CCDC88A: variants seen among roughly 807,000 people sequenced by gnomAD.
CCDC88A encodes coiled-coil and HOOK domain protein 88A, also known as girdin.
In CCDC88A, 54 loss-of-function variants were observed where a neutral mutation model predicts 234.3. That is an observed-to-expected ratio of 0.23 (90% CI 0.19 to 0.29). The LOEUF (loss-of-function observed/expected upper bound fraction) is 0.29. CCDC88A is among the 10% of genes least tolerant of loss of function. The probability of loss-of-function intolerance (pLI) is 1.00; values close to 1 mark genes in which losing one functional copy is unlikely to be tolerated. For missense variants in CCDC88A, 1,832 were observed against 2,123.4 expected, an observed-to-expected ratio of 0.86 and a Z score of 2.70; for synonymous variants, 753 against 737.8, an observed-to-expected ratio of 1.02 and a Z score of -0.33.
chr2:55,295,271 G>A (rs764901810), intron 31 of CCDC88A: 2 of 1,384,214 alleles, frequency 1.4e-6, no homozygotes, highest in South Asian at 1.2e-5. Context: ...CAGAAGCCTG[G>A]TCAGTTATTC....
At chr2:55,373,411 TCA>T (rs1673124031) in intron 4 of CCDC88A, among the ~76,000 whole-genome samples, 2 of 152,190 alleles carry the variant, frequency 1.3e-5, no homozygotes, top group African/African-American at 4.8e-5. Context: ...ACAGCTCTTA[TCA>T]TCTCTGTGTA....
chr2:55,390,053 A>AAAAAAAAAAAAAAAAAAG lies in CCDC88A; in HGVS notation c.165-1168_165-1167insCTTTTTTTTTTTTTTTTT, dbSNP rs377022377. On this transcript the variant is annotated intron_variant, in intron 2 of 32. Transcript: ENST00000436346. Reference sequence around the variant, plus strand: ...GAGACTCAAAAAAAAAAAAAAATAAAAAATAAAGATAGAACATTTCAAAGT... The same window carrying AAAAAAAAAAAAAAAAAAG: ...GAGACTCAAAAAAAAAAAAAAATAAAAAAAAAAAAAAAAAAAAGAAATAAAGATAGAACATTTCAAAGT... Among the ~76,000 whole-genome samples the AAAAAAAAAAAAAAAAAAG allele has an allele frequency of 5.9e-4, 47 of 79,764 alleles. 6 individuals carry two copies. Among genetic ancestry groups the AAAAAAAAAAAAAAAAAAG allele is most frequent in the African/African-American group, 1.1e-3 (24 of 21,546 alleles). The allele number at this position is 79,764 out of a possible 152,430, so 52.3% of individuals were successfully genotyped here.
intron 5 of CCDC88A, among the ~76,000 whole-genome samples, chr2:55,371,382 T>C (rs559883252): frequency 1.8e-4 from 27 of 152,326 alleles, no homozygotes; most frequent in African/African-American, 6.3e-4. Context: ...ATTTCTGTTA[T>C]ATGTATGTAA....
chr2:55,292,834 CT>C (rs1328177968), intron 31 of CCDC88A: 1 of 152,230 alleles, frequency 6.6e-6, no homozygotes, highest in Non-Finnish European at 1.5e-5. Context: ...GTACTCCAGC[CT>C]AGGCTACAGA....
intron 25 of CCDC88A, among the ~76,000 whole-genome samples, chr2:55,305,351 G>A (rs1422802394): frequency 6.6e-6 from 1 of 152,124 alleles, no homozygotes; most frequent in Non-Finnish European, 1.5e-5. Context: ...GGGAACATTA[G>A]TATTTGTTGG....
At chr2:55,409,504 G>A (rs942502291) in intron 2 of CCDC88A, among the ~76,000 whole-genome samples, 2 of 152,082 alleles carry the variant, frequency 1.3e-5, no homozygotes, top group Non-Finnish European at 2.9e-5. Flanking sequence ...CCTTATTGTG[G>A]GCAAAGCATC....
rs756935718 is a variant in CCDC88A at position 55,291,714 on chromosome 2, G to A, written c.5613C>T (p.Ser1871=). ...SKSRSREQQS[S] ...TGTCATGTAGTGGGTAATAGAATTA[G>A]GAGCTTTGTTGCTCCCTAGACCTGC... Residue 1871 remains serine (S), a synonymous_variant, in exon 32 of 33, where the codon TCC becomes TCT. Transcript: ENST00000436346. The A allele has an allele frequency of 6.9e-6, 11 of 1,605,320 alleles. No individual in the cohort carries two copies. Among genetic ancestry groups the A allele is most frequent in the Non-Finnish European group, 9.4e-6 (11 of 1,173,336 alleles).
intron 25 of CCDC88A, chr2:55,307,955 A>ATTTTGTATT (rs1302815094): frequency 6.7e-6 from 1 of 148,616 alleles, no homozygotes; most frequent in Non-Finnish European, 1.4e-5. Context: ...CAACGGGCTA[A>ATTTTGTATT]TTTTGTATTT....
At position 55,309,653 on chromosome 2, in the gene CCDC88A, T is replaced by A. The variant is rs1682075232; in HGVS notation, c.4080-399A>T. 6.6e-6 allele frequency among the ~76,000 whole-genome samples: 1 copy of A among 152,142 alleles called. No individual in the cohort carries two copies. The highest frequency in any genetic ancestry group is 2.1e-4 in the South Asian group (1 of 4,832). ...TTTCCTGACTCCAGCAATGCATGAG[T>A]CATCGCATCCTAGTCTCATTGTTAT... On this transcript the variant is annotated intron_variant, in intron 23 of 32. Coordinates refer to ENST00000436346, the MANE Select transcript of CCDC88A (RefSeq NM_001365480.1). The surrounding 1 kb of genome is among the most constrained non-coding windows in gnomAD (Gnocchi z 5.1).
At chr2:55,364,125 A>G in intron 5 of CCDC88A, 92 bp from the exon 6 acceptor site, 1 of 560,324 alleles carries the variant, frequency 1.8e-6, no homozygotes, top group Non-Finnish European at 3.0e-6. Context: ...GGTTTGCTAT[A>G]TTTTGAAAAG....
intron 2 of CCDC88A, among the ~76,000 whole-genome samples, chr2:55,396,583 G>T (rs1456236179): frequency 1.3e-5 from 2 of 151,880 alleles, no homozygotes; most frequent in Non-Finnish European, 2.9e-5. Flanking sequence ...TAAAAAAAAA[G>T]GTTGCACCTG....
chr2:55,335,217 G>GAT lies in CCDC88A; in HGVS notation c.1657-54_1657-53insAT. 8.7e-7 allele frequency: 1 copy of GAT among 1,155,450 alleles called. No individual in the cohort carries two copies. The highest frequency in any genetic ancestry group is 1.2e-6 in the Non-Finnish European group (1 of 844,794). 71.6% of individuals were successfully genotyped at this position (1,155,450 alleles called of 1,614,324 possible). On this transcript the variant is annotated intron_variant, in intron 14 of 32. Coordinates refer to ENST00000436346, the MANE Select transcript of CCDC88A (RefSeq NM_001365480.1). This position sits in a 1 kb window ranked among gnomAD's most constrained non-coding sequence, Gnocchi z 4.5. ...CTGTAATTGAGGAAAAACTAACTAT[G>GAT]GTTTATCTCTTCCAAAAACTACCAA...
At chr2:55,329,582 CAG>C (rs1024326449) in intron 16 of CCDC88A, 2 of 151,602 alleles carry the variant, frequency 1.3e-5, no homozygotes, top group Admixed American at 6.6e-5. Context: ...ATACAGTAAA[CAG>C]AGAAAAAAAA....
Position 55,317,901 on chromosome 2 carries a change from T to C in CCDC88A, c.3325-60A>G, listed in dbSNP as rs139768977. On this transcript the variant is annotated intron_variant, in intron 19 of 32. Transcript: ENST00000436346. This position sits in a 1 kb window ranked among gnomAD's most constrained non-coding sequence, Gnocchi z 4.2. ...AAACAGTTCATGTTCTTTTTCAAAA[T>C]ACAAGATTACAATGTTAATTAAAGA... 17 of 1,158,242 alleles carry C rather than the reference T, an allele frequency of 1.5e-5. No homozygotes were observed. In the East Asian group the frequency reaches 3.6e-4, roughly 24 times the overall value. The allele number at this position is 1,158,242 out of a possible 1,614,324, so 71.7% of individuals were successfully genotyped here. A position where few individuals can be genotyped will look rare whatever the true frequency, so the allele number is the denominator to read the frequency against.
At chr2:55,378,732 C>T (rs1330867082) in intron 3 of CCDC88A, among the ~76,000 whole-genome samples, 1 of 150,460 alleles carries the variant, frequency 6.6e-6, no homozygotes, top group East Asian at 2.0e-4. Flanking sequence ...TTTTTATACA[C>T]ATATACTTTT....
chr2:55,309,288 T>G lies in CCDC88A; in HGVS notation c.4080-34A>C. 1 of 964,090 alleles carries G rather than the reference T, an allele frequency of 1.0e-6. No individual in the cohort carries two copies. The highest frequency in any genetic ancestry group is 1.6e-6 in the Non-Finnish European group (1 of 617,280). The allele number at this position is 964,090 out of a possible 1,614,324, so 59.7% of individuals were successfully genotyped here. On this transcript the variant is annotated intron_variant, in intron 23 of 32. Coordinates refer to ENST00000436346, the MANE Select transcript of CCDC88A (RefSeq NM_001365480.1). This position sits in a 1 kb window ranked among gnomAD's most constrained non-coding sequence, Gnocchi z 5.1. ...TAAAAATTACCTTTTAGGACAGGCA[T>G]CATATTTTGTACAGCTATGAATATT...
chr2:55,328,365 T>A lies in CCDC88A; in HGVS notation c.2926A>T (p.Ile976Phe). The change falls in exon 17 of 33, where the codon ATT (isoleucine) becomes TTT (phenylalanine). Residue 976 changes from isoleucine (I) to phenylalanine (F), a missense_variant. Ile to Phe is a conservative substitution (Grantham distance 21, BLOSUM62 0). This residue lies in a region of CCDC88A where 1,282 missense variants were observed against 1,543.6 expected (regional missense o/e 0.83). Coordinates refer to ENST00000436346, the MANE Select transcript of CCDC88A (RefSeq NM_001365480.1). This position sits in a 1 kb window ranked among gnomAD's most constrained non-coding sequence, Gnocchi z 4.3. Reference protein sequence around the residue: ...KKSLEIKEEKIAALEARLEES... With the variant: ...KKSLEIKEEKFAALEARLEES... ...TCTAATCGAGCTTCTAAAGCAGCAA[T>A]TTTTTCTTCTTTTATTTCAAGAGAC... The A allele has an allele frequency of 6.3e-7, 1 of 1,599,894 alleles. No individual in the cohort carries two copies. The highest frequency in any genetic ancestry group is 8.5e-7 in the Non-Finnish European group (1 of 1,173,166).
At chr2:55,351,240 G>A (rs1669845384) in intron 8 of CCDC88A, among the ~76,000 whole-genome samples, 1 of 152,110 alleles carries the variant, frequency 6.6e-6, no homozygotes, top group Non-Finnish European at 1.5e-5. Flanking sequence ...CTGGCTTTTA[G>A]GACAGATTTC....
chr2:55,405,033 A>C (rs929076645), intron 2 of CCDC88A: 17 of 152,296 alleles, frequency 1.1e-4, no homozygotes, highest in African/African-American at 4.1e-4. Flanking sequence ...CCAGCCGCAA[A>C]ATAGTTTTTA....
Sources: gnomAD v4.1 joint callset for allele counts (sites outside exome capture counted in the v4.1 genomes callset) on GRCh38, gnomAD v4.1.1 for gene constraint, gnomAD v4.1.1 regional missense constraint, Gnocchi (gnomAD v3.1) non-coding constraint, MANE v1.5 for transcripts, NCBI Gene and HGNC (gene_info 2026-07-23, HGNC 2026-07-21) for gene names.